Variants in ARID1A observed in about 807,000 individuals in gnomAD.
ARID1A encodes the protein AT-rich interactive domain-containing protein 1A.
Under a neutral mutation model 212.6 loss-of-function variants are expected in ARID1A, and 20 were observed. The ratio of observed to expected loss-of-function variants is 0.09; its 90% CI spans 0.07 to 0.14. The LOEUF (loss-of-function observed/expected upper bound fraction) is 0.14. Ranked by LOEUF, ARID1A falls within the 10% of genes least tolerant of loss-of-function variation. The probability of loss-of-function intolerance (pLI) is 1.00; values close to 1 mark genes in which losing one functional copy is unlikely to be tolerated. For missense variants in ARID1A, 2,587 were observed against 3,059.0 expected (o/e 0.85, Z 3.64); for synonymous variants, 1,376 against 1,222.1 (o/e 1.13, Z -2.63).
chr1:26,721,185 A>G (rs2080561000), intron 1 of ARID1A, among the ~76,000 whole-genome samples: 1 of 151,974 alleles, frequency 6.6e-6, no homozygotes, highest in Non-Finnish European at 1.5e-5. Context: ...GGGTCTTACT[A>G]TTGTTTTGGT....
chr1:26,697,148 T>C lies in ARID1A; in HGVS notation c.745T>C (p.Ser249Pro). Residue 249 changes from serine to proline, a missense_variant, in exon 1 of 20, where the codon TCC (serine) becomes CCC (proline). Transcript: ENST00000324856. Reference protein sequence around the residue: ...PGSGAAAAAGSKPPPSSSASA... With the variant: ...PGSGAAAAAGPKPPPSSSASA... Reference sequence around the variant, plus strand: ...CTCCGGCGCGGCGGCGGCTGCCGGCTCCAAGCCGCCTCCCTCCTCCAGCGC... The same window carrying C: ...CTCCGGCGCGGCGGCGGCTGCCGGCCCCAAGCCGCCTCCCTCCTCCAGCGC... The C allele has an allele frequency of 6.9e-7, 1 of 1,439,526 alleles. No homozygotes were observed. Among genetic ancestry groups the C allele is most frequent in the Non-Finnish European group, 9.1e-7 (1 of 1,099,436 alleles). The allele number at this position is 1,439,526 out of a possible 1,614,324, so 89.2% of individuals were successfully genotyped here. A position where few individuals can be genotyped will look rare whatever the true frequency, so the allele number is the denominator to read the frequency against.
In ARID1A at chr1:26,731,593, C is replaced by T. The variant is rs2124790529; in HGVS notation, c.1792C>T (p.Pro598Ser). 2 of 1,613,712 alleles carry T rather than the reference C, an allele frequency of 1.2e-6. No homozygotes were observed. Among genetic ancestry groups the T allele is most frequent in the Non-Finnish European group, 8.5e-7 (1 of 1,179,660 alleles). ...AACTGCCTATTCCCAGCAGCGCTTCCCTCCACCGCAGGTAAGATATCCCTG... is the reference window on the plus strand; with the variant it reads ...AACTGCCTATTCCCAGCAGCGCTTCTCTCCACCGCAGGTAAGATATCCCTG... The part of the protein sequence containing the change: ...QQTAYSQQRF[P>S]PPQELSQDSF... The change falls in exon 3 of 20, where the codon CCT becomes TCT. Residue 598 changes from proline (P) to serine (S), a missense_variant. Around this residue, in one of 11 missense-constraint regions of ARID1A, gnomAD observed 674 missense variants for 813.4 expected, o/e 0.83. Coordinates refer to ENST00000324856, the MANE Select transcript of ARID1A (RefSeq NM_006015.6).
rs564614243 is a variant in ARID1A, at chr1:26,747,035, C to CG, written c.1921-13820dup. The stretch of plus-strand genomic sequence containing the variant: ...CCAGCCTGGTGACAGAGTAAGACTC[C>CG]GTGTCAAAAAAACAAAACAAACAAA... On this transcript the variant is annotated intron_variant, in intron 4 of 19. Coordinates refer to ENST00000324856, the MANE Select transcript of ARID1A (RefSeq NM_006015.6). Among the ~76,000 whole-genome samples, 59 of 151,966 alleles carry CG rather than the reference C, an allele frequency of 3.9e-4. 1 individual carries two copies. In the East Asian group the frequency reaches 0.011, roughly 28 times the overall value.
At chr1:26,728,147 C>T (rs1406241857) in intron 1 of ARID1A, among the ~76,000 whole-genome samples, 1 of 152,182 alleles carries the variant, frequency 6.6e-6, no homozygotes, top group Admixed American at 6.5e-5. Context: ...CACAGTTTTA[C>T]TATGACTTTG....
At chr1:26,729,587 G>A in intron 1 of ARID1A, 64 bp from the exon 2 acceptor site, 1 of 1,575,078 alleles carries the variant, frequency 6.3e-7, no homozygotes, top group Non-Finnish European at 8.7e-7. Context: ...GTGTACTTGG[G>A]TTATATATTC....
chr1:26,730,059 T>C (rs1430335491), intron 2 of ARID1A, among the ~76,000 whole-genome samples, 196 bp downstream of exon 2: 2 of 152,196 alleles, frequency 1.3e-5, no homozygotes, highest in African/African-American at 4.8e-5. Context: ...GGAAAACTAC[T>C]TACTCCCTGG....
intron 4 of ARID1A, among the ~76,000 whole-genome samples, chr1:26,737,347 A>C (rs1475154940): frequency 6.6e-6 from 1 of 152,004 alleles, no homozygotes; most frequent in Non-Finnish European, 1.5e-5. Context: ...CGAATTCCTG[A>C]GCTCAAGCAG....
rs1570538410 is a variant in ARID1A, at chr1:26,696,625, G to A, written c.222G>A (p.Gln74=). 7 of 1,271,354 alleles carry A rather than the reference G, an allele frequency of 5.5e-6. No homozygotes were observed. Among genetic ancestry groups the A allele is most frequent in the Non-Finnish European group, 5.9e-6 (6 of 1,013,130 alleles). The allele number at this position is 1,271,354 out of a possible 1,614,324, so 78.8% of individuals were successfully genotyped here. ...CGCAGCCGCTGGGAAAGGAGCTGCA[G>A]GACGGGGCCGAGAGCAATGGGGGTG... is the stretch of plus-strand genomic sequence containing the variant. ...GPPQPLGKEL[Q]DGAESNGGGG... is the part of the protein sequence containing the mutation. Residue 74 remains glutamine, a synonymous_variant, in exon 1 of 20, where the codon CAG becomes CAA. Transcript: ENST00000324856.
In ARID1A at chr1:26,766,671, C is replaced by T. The variant is rs1379244057; in HGVS notation, c.2988+105C>T. ...ACAAGATCCCAGCCTTTTATGACACCGGACTAGATAGTCTCTGAAAAAGCT... is the reference window on the plus strand; with the variant it reads ...ACAAGATCCCAGCCTTTTATGACACTGGACTAGATAGTCTCTGAAAAAGCT... On this transcript the variant is annotated intron_variant, in intron 10 of 19. Coordinates refer to ENST00000324856, the MANE Select transcript of ARID1A (RefSeq NM_006015.6). 3.1e-5 allele frequency: 36 copies of T among 1,158,266 alleles called. 1 individual carries two copies. The highest frequency in any genetic ancestry group is 2.5e-4 in the South Asian group (16 of 62,866). 71.7% of individuals were successfully genotyped at this position (1,158,266 alleles called of 1,614,324 possible).
chr1:26,766,136 TCA>T (rs950657465), intron 8 of ARID1A, 83 bp from the exon 9 acceptor site: 13 of 1,461,074 alleles, frequency 8.9e-6, no homozygotes, highest in Non-Finnish European at 1.1e-5. Context: ...TACTAGATGA[TCA>T]CACAGCACTA....
Position 26,761,064 on chromosome 1 carries a change from G to A in ARID1A, c.2129G>A (p.Arg710His), listed in dbSNP as rs1171422700. ...VGSPASVAQS[R>H]SGPLSPAAVP... ...TCTCCCGCCAGTGTTGCTCAGTCTC[G>A]CTCAGGACCACTCTCGCCTGCTGCA... Residue 710 changes from arginine (R) to histidine (H), a missense_variant, in exon 5 of 20, where the codon CGC becomes CAC. By Grantham distance (29) the Arg-to-His change is conservative (BLOSUM62 0). Transcript: ENST00000324856. 4.3e-6 allele frequency: 7 copies of A among 1,613,912 alleles called. No homozygotes were observed. In the Admixed American group the frequency reaches 5.0e-5, roughly 12 times the overall value.
chr1:26,778,949 G>A (rs2124135845), intron 19 of ARID1A, 74 bp from the exon 20 acceptor site: 2 of 1,400,060 alleles, frequency 1.4e-6, no homozygotes, highest in South Asian at 1.6e-5. Flanking sequence ...ACTTGGGGAG[G>A]TCTCTCAAGT....
At chr1:26,730,710 A>G (rs1461230175) in intron 2 of ARID1A, among the ~76,000 whole-genome samples, 1 of 152,208 alleles carries the variant, frequency 6.6e-6, no homozygotes, top group Non-Finnish European at 1.5e-5. Context: ...AGAGAGAACC[A>G]AAGTAGCTTA....
At position 26,741,306 on chromosome 1, in the gene ARID1A, T is replaced by C. The variant is rs183267664; in HGVS notation, c.1920+8514T>C. 2.7e-3 allele frequency among the ~76,000 whole-genome samples: 410 copies of C among 152,244 alleles called. 2 individuals are homozygous for C. The highest frequency in any genetic ancestry group is 9.1e-3 in the African/African-American group (377 of 41,520). On this transcript the variant is annotated intron_variant, in intron 4 of 19. Coordinates refer to ENST00000324856, the MANE Select transcript of ARID1A (RefSeq NM_006015.6). ...ATTTCAAAGAAAATAGGTAGTTGGG[T>C]TTGTCATAAAGCATTTTATTGGGAT...
chr1:26,761,206 A>G lies in ARID1A; in HGVS notation c.2161+110A>G, dbSNP rs766266482. On this transcript the variant is annotated intron_variant, in intron 5 of 19. Transcript: ENST00000324856. ...GAAAGCATCTCTGGCTCATGCCTGC[A>G]TAGTTTCCCCTTAGCATTTGGAGAA... The G allele has an allele frequency of 1.3e-5, 20 of 1,512,928 alleles. No individual in the cohort carries two copies. In the African/African-American group the frequency reaches 1.7e-4, roughly 13 times the overall value. 93.7% of individuals were successfully genotyped at this position (1,512,928 alleles called of 1,614,324 possible). A position where few individuals can be genotyped will look rare whatever the true frequency, so the allele number is the denominator to read the frequency against.
chr1:26,708,500 G>A (rs941555822), intron 1 of ARID1A, among the ~76,000 whole-genome samples: 1 of 150,878 alleles, frequency 6.6e-6, no homozygotes, highest in Non-Finnish European at 1.5e-5. Flanking sequence ...TGGTCAGGCT[G>A]GTCCTGAACT....
chr1:26,775,395 A>G (rs961113580), intron 18 of ARID1A, among the ~76,000 whole-genome samples, 175 bp downstream of exon 18: 6 of 152,220 alleles, frequency 3.9e-5, no homozygotes, highest in African/African-American at 1.2e-4. Flanking sequence ...CTTCATTGCC[A>G]TGCAATGAAG....
At chr1:26,777,859 G>C (rs563600812) in intron 19 of ARID1A, among the ~76,000 whole-genome samples, 1 of 152,224 alleles carries the variant, frequency 6.6e-6, no homozygotes, top group Admixed American at 6.5e-5. Context: ...CTTGAGGTTA[G>C]GAGTTCAAGA....
chr1:26,697,595 GC>G (rs1161108170), intron 1 of ARID1A, 55 bp downstream of exon 1: 1 of 1,273,498 alleles, frequency 7.9e-7, no homozygotes, highest in Non-Finnish European at 9.9e-7. Flanking sequence ...GGGGTGGGTG[GC>G]GGCTGCGGTG....
Sources: allele counts gnomAD v4.1 joint callset (sites outside exome capture counted in the v4.1 genomes callset), GRCh38; gene constraint gnomAD v4.1.1; regional missense constraint gnomAD v4.1.1; transcripts MANE v1.5; gene names NCBI Gene and HGNC (gene_info 2026-07-23, HGNC 2026-07-21).